KLC1: variants seen among roughly 807,000 people sequenced by gnomAD.
KLC1 encodes kinesin light chain 1.
Under a neutral mutation model 84.2 loss-of-function variants are expected in KLC1, and 30 were observed. The ratio of observed to expected loss-of-function variants is 0.36; its 90% CI spans 0.27 to 0.48. The LOEUF is 0.48. KLC1 is among the 20% of genes least tolerant of loss of function. The probability of loss-of-function intolerance (pLI) is 0.99; values close to 1 mark genes in which losing one functional copy is unlikely to be tolerated. For missense variants in KLC1, 499 were observed against 805.4 expected, an observed-to-expected ratio of 0.62 and a Z score of 4.60; for synonymous variants, 289 against 293.3, an observed-to-expected ratio of 0.99 and a Z score of 0.15.
intron 3 of KLC1, among the ~76,000 whole-genome samples, chr14:103,660,235 C>G (rs922667403): frequency 1.3e-5 from 2 of 151,200 alleles, no homozygotes; most frequent in South Asian, 2.1e-4. Context: ...AATCCCAGCC[C>G]TTAGGGAGGC....
intron 11 of KLC1, among the ~76,000 whole-genome samples, chr14:103,676,179 T>C (rs1451064771): frequency 1.3e-5 from 2 of 152,180 alleles, no homozygotes; most frequent in African/African-American, 4.8e-5. Context: ...CCCGAGAGCC[T>C]TGCCTCTTGA....
chr14:103,688,593 G>GT (rs796610640), intron 14 of KLC1, among the ~76,000 whole-genome samples: 4 of 152,322 alleles, frequency 2.6e-5, no homozygotes, highest in African/African-American at 9.6e-5. Context: ...CAGTCCCTTA[G>GT]TGGTAGGGCT....
rs549457780 is a variant in KLC1, at chr14:103,680,901, A to C, written c.1650+1356A>C. ...TATTTCTAGGTCCATGTTGACATGA[A>C]ATCATCTGATGATAAAATGGTGACG... On this transcript the variant is annotated intron_variant, in intron 13 of 16. Coordinates refer to ENST00000334553, the MANE Select transcript of KLC1 (RefSeq NM_001394837.1). Among the ~76,000 whole-genome samples, 7 of 152,316 alleles carry C rather than the reference A, an allele frequency of 4.6e-5. No individual in the cohort carries two copies. In the East Asian group the frequency reaches 1.4e-3, roughly 29 times the overall value.
At position 103,693,838 on chromosome 14, in the gene KLC1, A is replaced by G; in HGVS notation, c.1848+1413A>G. 1.5e-6 allele frequency: 2 copies of G among 1,378,326 alleles called. 1 individual carries two copies. The highest frequency in any genetic ancestry group is 3.4e-5 in the South Asian group (2 of 59,300). The allele number at this position is 1,378,326 out of a possible 1,614,324, so 85.4% of individuals were successfully genotyped here. ...AGCCCCAGTGCCAGGAGCCACCCCG[A>G]CCGCGACCCGGCCAGGCTGGCTCAG... On this transcript the variant is annotated intron_variant, in intron 15 of 16. Coordinates refer to ENST00000334553, the MANE Select transcript of KLC1 (RefSeq NM_001394837.1). This position sits in a 1 kb window ranked among gnomAD's most constrained non-coding sequence, Gnocchi z 5.1.
intron 6 of KLC1, 114 bp downstream of exon 6, chr14:103,669,712 C>G: frequency 1.4e-6 from 1 of 737,628 alleles, no homozygotes; most frequent in Non-Finnish European, 2.3e-6. Flanking sequence ...GCTGCCTTTT[C>G]CCTAGATGGT....
Position 103,657,630 on chromosome 14 carries a change from G to A in KLC1, c.346G>A (p.Glu116Lys), listed in dbSNP as rs2078933102. 1 of 1,614,062 alleles carries A rather than the reference G, an allele frequency of 6.2e-7. No individual in the cohort carries two copies. ...LRAQVRRLCQ[E>K]NQWLRDELAN... is the part of the protein sequence containing the mutation. ...TGCGCAGGTTCGTCGTCTGTGCCAG[G>A]AGAATCAGTGGCTACGGGATGAACT... is the stretch of plus-strand genomic sequence containing the variant. The change falls in exon 3 of 17, where the codon GAG (glutamate) becomes AAG (lysine). Residue 116 changes from glutamate to lysine, a missense_variant. Physicochemically the swap from Glu to Lys is moderately conservative, Grantham distance 56. Around this residue, in one of 3 missense-constraint regions of KLC1, gnomAD observed 179 missense variants for 264.2 expected, o/e 0.68. Transcript: ENST00000334553.
chr14:103,668,363 G>A (rs2080067380), intron 5 of KLC1, among the ~76,000 whole-genome samples: 1 of 152,238 alleles, frequency 6.6e-6, no homozygotes, highest in African/African-American at 2.4e-5. Context: ...TAGATGGGAA[G>A]GTTAAGTTCA....
At chr14:103,700,789 A>G (rs1275254945) in intron 16 of KLC1, 62 bp downstream of exon 16, 3 of 1,340,388 alleles carry the variant, frequency 2.2e-6, no homozygotes, top group South Asian at 1.3e-5. Context: ...GACTTTGCAC[A>G]TGCAGGGACT....
At chr14:103,677,953 C>G (rs1338403562) in intron 12 of KLC1, among the ~76,000 whole-genome samples, 2 of 137,158 alleles carry the variant, frequency 1.5e-5, no homozygotes, top group Non-Finnish European at 3.1e-5. Flanking sequence ...GGTGACAGAA[C>G]GAGACTCCGT....
At chr14:103,636,943 ATGG>A in intron 1 of KLC1, among the ~76,000 whole-genome samples, 1 of 148,514 alleles carries the variant, frequency 6.7e-6, no homozygotes, top group Non-Finnish European at 1.5e-5. Flanking sequence ...GTTAGCCAGG[ATGG>A]TCTCGATCTC....
At position 103,673,753 on chromosome 14, in the gene KLC1, C is replaced by T. The variant is rs1171824991; in HGVS notation, c.1261+322C>T. Among the ~76,000 whole-genome samples, 4 of 152,202 alleles carry T rather than the reference C, an allele frequency of 2.6e-5. No homozygotes were observed. In the East Asian group the frequency reaches 7.7e-4, roughly 29 times the overall value. ...CCTGGCTAACACAGTGAAACCCCGTCTCTACTAAAAATACAAAAACTTAGC... is the reference window on the plus strand; with the variant it reads ...CCTGGCTAACACAGTGAAACCCCGTTTCTACTAAAAATACAAAAACTTAGC... On this transcript the variant is annotated intron_variant, in intron 9 of 16. Transcript: ENST00000334553.
intron 1 of KLC1, among the ~76,000 whole-genome samples, chr14:103,643,240 T>G (rs1285731177): frequency 6.6e-6 from 1 of 152,210 alleles, no homozygotes; most frequent in Non-Finnish European, 1.5e-5. Context: ...TCTTCCATCT[T>G]CCAGAGGGTC....
intron 15 of KLC1, chr14:103,695,417 A>T (rs1278275302): frequency 1.0e-6 from 1 of 984,334 alleles, no homozygotes; most frequent in Non-Finnish European, 1.2e-6. Flanking sequence ...ACCCCCCCCA[A>T]AAAAAGGGGG....
chr14:103,629,659 C>G (rs2076518034), intron 1 of KLC1, among the ~76,000 whole-genome samples, 165 bp downstream of exon 1: 1 of 152,110 alleles, frequency 6.6e-6, no homozygotes, highest in South Asian at 2.1e-4. Context: ...GGTACCCGCC[C>G]CAGTTCACCG....
chr14:103,684,930 T>C (rs1211072256), intron 13 of KLC1: 1 of 758,644 alleles, frequency 1.3e-6, no homozygotes, highest in East Asian at 2.7e-5. Context: ...TATGTTTTCT[T>C]GTCCTCCCCA....
At chr14:103,639,206 A>G (rs2077297111) in intron 1 of KLC1, among the ~76,000 whole-genome samples, 1 of 152,188 alleles carries the variant, frequency 6.6e-6, no homozygotes, top group African/African-American at 2.4e-5. Context: ...TCTGTTGTCC[A>G]GGCTGGAGTA....
rs186444290 is a variant in KLC1, at chr14:103,663,281, C to T, written c.797+354C>T. On this transcript the variant is annotated intron_variant, in intron 5 of 16. Coordinates refer to ENST00000334553, the MANE Select transcript of KLC1 (RefSeq NM_001394837.1). Reference sequence around the variant, plus strand: ...ATTTTTAGTAAAGACGGGGTTTCATCGTGTTAACCAGGATGGTCTCGATCT... The same window carrying T: ...ATTTTTAGTAAAGACGGGGTTTCATTGTGTTAACCAGGATGGTCTCGATCT... Among the ~76,000 whole-genome samples the T allele has an allele frequency of 9.3e-4, 142 of 152,112 alleles. 1 individual carries two copies. Among genetic ancestry groups the T allele is most frequent in the Middle Eastern group, 3.4e-3 (1 of 294 alleles).
intron 3 of KLC1, among the ~76,000 whole-genome samples, chr14:103,658,656 CT>C (rs58151718): frequency 0.015 from 1,650 of 107,914 alleles, 23 homozygotes; most frequent in African/African-American, 0.056. Context: ...ATTCAGTTAA[CT>C]TTTTTTTTTT....
chr14:103,654,797 T>C lies in KLC1; in HGVS notation c.233T>C (p.Met78Thr). Residue 78 changes from methionine (M) to threonine (T), a missense_variant, in exon 2 of 17, where the codon ATG (methionine) becomes ACG (threonine). By Grantham distance (81) the Met-to-Thr change is moderately conservative. Coordinates refer to ENST00000334553, the MANE Select transcript of KLC1 (RefSeq NM_001394837.1). ...KSNMIRKSLE[M>T]LELGLSEAQV... ...AACATGATCCGGAAGTCACTGGAGA[T>C]GTTGGAGCTCGGCCTGAGTGAGGCA... 6.2e-7 allele frequency: 1 copy of C among 1,614,164 alleles called. No homozygotes were observed. Among genetic ancestry groups the C allele is most frequent in the South Asian group, 1.1e-5 (1 of 91,084 alleles).
Sources: allele counts gnomAD v4.1 joint callset (sites outside exome capture counted in the v4.1 genomes callset), GRCh38; gene constraint gnomAD v4.1.1; regional missense constraint gnomAD v4.1.1; non-coding constraint Gnocchi (gnomAD v3.1); transcripts MANE v1.5; gene names NCBI Gene and HGNC (gene_info 2026-07-23, HGNC 2026-07-21).